TLN2: variants seen among roughly 807,000 people sequenced by gnomAD.
The protein encoded by TLN2 is talin-2.
A neutral mutation model predicts 294.7 loss-of-function variants in TLN2; 118 were observed. The ratio of observed to expected loss-of-function variants is 0.40; its 90% confidence interval spans 0.34 to 0.47. The LOEUF is 0.47. Among genes scored for constraint, TLN2 ranks in the 20% least tolerant of loss-of-function variants. The probability of loss-of-function intolerance (pLI) is 0.84; values close to 1 mark genes in which losing one functional copy is unlikely to be tolerated. For missense variants in TLN2, 3,083 were observed against 3,282.2 expected (o/e 0.94, Z 1.48); for synonymous variants, 1,431 against 1,304.5 (o/e 1.10, Z -2.09).
chr15:62,839,599 G>T (rs1450069802), intron 58 of TLN2, among the ~76,000 whole-genome samples: 2 of 152,218 alleles, frequency 1.3e-5, no homozygotes, highest in Non-Finnish European at 1.5e-5. Context: ...GCTCTAGGAA[G>T]TCAGGCTTAA....
At chr15:62,591,822 G>A (rs1472613730) in intron 2 of TLN2, among the ~76,000 whole-genome samples, 3 of 152,148 alleles carry the variant, frequency 2.0e-5, no homozygotes, top group African/African-American at 7.2e-5. Flanking sequence ...GATGGCAATG[G>A]GATCAGGTGT....
chr15:62,769,360 T>C (rs2063209823), intron 41 of TLN2, among the ~76,000 whole-genome samples: 1 of 152,152 alleles, frequency 6.6e-6, no homozygotes, highest in African/African-American at 2.4e-5. Flanking sequence ...GTATAGGCTG[T>C]GCCCTCCACA....
chr15:62,462,745 C>A (rs968928116), intron 1 of TLN2, among the ~76,000 whole-genome samples: 4 of 152,188 alleles, frequency 2.6e-5, no homozygotes, highest in Non-Finnish European at 4.4e-5. Context: ...GAACCAGAAC[C>A]AGTGTGGTGT....
At chr15:62,681,274 A>G (rs1050472427) in intron 11 of TLN2, among the ~76,000 whole-genome samples, 2 of 152,242 alleles carry the variant, frequency 1.3e-5, no homozygotes, top group Non-Finnish European at 2.9e-5. Flanking sequence ...ATGCTAATGA[A>G]AGCATAATTT....
chr15:62,509,991 G>A (rs2039845951), intron 1 of TLN2, among the ~76,000 whole-genome samples: 1 of 152,208 alleles, frequency 6.6e-6, no homozygotes. Context: ...TTTTATTTCT[G>A]TAAGTCATGT....
chr15:62,753,528 C>T (rs979908057), intron 35 of TLN2, among the ~76,000 whole-genome samples: 3 of 152,202 alleles, frequency 2.0e-5, no homozygotes, highest in Non-Finnish European at 4.4e-5. Flanking sequence ...TTTCTTGAGG[C>T]TCTCTCAGAA....
intron 21 of TLN2, among the ~76,000 whole-genome samples, chr15:62,710,023 C>G (rs2059323870): frequency 6.6e-6 from 1 of 152,216 alleles, no homozygotes; most frequent in African/African-American, 2.4e-5. Context: ...GGGTGAGCCA[C>G]CATGCCCAAC....
At chr15:62,711,877 A>G in intron 21 of TLN2, 34 bp from the exon 22 acceptor site, 1 of 1,575,274 alleles carries the variant, frequency 6.3e-7, no homozygotes, top group Non-Finnish European at 8.7e-7. Context: ...TGAAAAGCAG[A>G]CAAACAGACC....
intron 9 of TLN2, among the ~76,000 whole-genome samples, chr15:62,671,063 A>G (rs1044286779): frequency 6.6e-6 from 1 of 152,064 alleles, no homozygotes; most frequent in African/African-American, 2.4e-5. Context: ...TCATGTGCCT[A>G]TTGGCCATTT....
chr15:62,450,547 A>ATGTGTG (rs10591621), intron 1 of TLN2, among the ~76,000 whole-genome samples: 2 of 136,062 alleles, frequency 1.5e-5, no homozygotes, highest in African/African-American at 5.9e-5. Flanking sequence ...GTATGTATGT[A>ATGTGTG]TGTGTGTGTG....
chr15:62,792,574 G>C (rs897122770), intron 45 of TLN2, 67 bp from the exon 46 acceptor site: 4 of 1,573,514 alleles, frequency 2.5e-6, no homozygotes, highest in Non-Finnish European at 3.4e-6. Context: ...AATTTTCCAC[G>C]TAGGGAAGGC....
intron 1 of TLN2, among the ~76,000 whole-genome samples, chr15:62,552,171 C>T (rs541724519): frequency 6.6e-6 from 1 of 152,266 alleles, no homozygotes; most frequent in South Asian, 2.1e-4. Context: ...CAAATGTCCC[C>T]TAGGGAATAA....
intron 1 of TLN2, among the ~76,000 whole-genome samples, chr15:62,464,739 C>G (rs1166851282): frequency 1.3e-5 from 2 of 152,012 alleles, no homozygotes; most frequent in African/African-American, 4.8e-5. Flanking sequence ...ATGTTAGCAG[C>G]CAGCTATCGG....
intron 1 of TLN2, among the ~76,000 whole-genome samples, chr15:62,575,606 ACACAC>A (rs2044319734): frequency 3.9e-5 from 1 of 25,782 alleles, no homozygotes; most frequent in African/African-American, 5.5e-5. Flanking sequence ...CACTTAAAAA[ACACAC>A]ACACACACAC....
At chr15:62,533,467 G>T (rs1171002122) in intron 1 of TLN2, among the ~76,000 whole-genome samples, 2 of 151,860 alleles carry the variant, frequency 1.3e-5, no homozygotes, top group Non-Finnish European at 2.9e-5. Flanking sequence ...ATGTTTAGTT[G>T]TAAGAGCCCT....
At chr15:62,762,498 G>A (rs532062573) in intron 39 of TLN2, 45 bp downstream of exon 39, 2 of 1,601,256 alleles carry the variant, frequency 1.2e-6, no homozygotes, top group Non-Finnish European at 1.7e-6. Flanking sequence ...CATCTCAGCG[G>A]GGAAGGAGGA....
chr15:62,617,520 G>A (rs1338527292), intron 2 of TLN2, among the ~76,000 whole-genome samples: 1 of 152,152 alleles, frequency 6.6e-6, no homozygotes, highest in Non-Finnish European at 1.5e-5. Context: ...CAGAAGCGGG[G>A]GGTACACTGG....
intron 1 of TLN2, among the ~76,000 whole-genome samples, chr15:62,405,102 C>T (rs1053853229): frequency 6.6e-6 from 1 of 152,188 alleles, no homozygotes; most frequent in African/African-American, 2.4e-5. Context: ...AGGGGTGTGA[C>T]GCTTGACAAA....
At chr15:62,705,718 A>T (rs2059017571) in intron 19 of TLN2, among the ~76,000 whole-genome samples, 1 of 152,210 alleles carries the variant, frequency 6.6e-6, no homozygotes, top group Non-Finnish European at 1.5e-5. Flanking sequence ...CTGAGCATTG[A>T]GATAGATGTC....
Sources: allele counts gnomAD v4.1 joint callset (sites outside exome capture counted in the v4.1 genomes callset), GRCh38; gene constraint gnomAD v4.1.1; transcripts MANE v1.5; gene names NCBI Gene and HGNC (gene_info 2026-07-23, HGNC 2026-07-21).